The following SLC9A9 variants were observed in gnomAD, a reference collection of about 807,000 sequenced individuals.
SLC9A9 encodes the protein sodium/hydrogen exchanger 9.
Under a neutral mutation model 77.8 loss-of-function variants are expected in SLC9A9, and 62 were observed. That is an observed-to-expected ratio of 0.80 (90% confidence interval 0.65 to 0.98). The LOEUF (loss-of-function observed/expected upper bound fraction) is 0.98. Among genes scored for constraint, SLC9A9 ranks in the 50% least tolerant of loss-of-function variants. SLC9A9 has a pLI of 0.00. For missense variants in SLC9A9, 775 were observed against 774.9 expected (o/e 1.00, Z 0.00); for synonymous variants, 320 against 283.5 (o/e 1.13, Z -1.29).
chr3:143,267,044 C>A, intron 15 of SLC9A9, 115 bp from the exon 16 acceptor site: 2 of 937,386 alleles, frequency 2.1e-6, no homozygotes, highest in South Asian at 2.9e-5. Context: ...CTGTAACTGC[C>A]CTGTCTGGCC....
chr3:143,832,179 G>C lies in SLC9A9; in HGVS notation c.218C>G (p.Thr73Ser), dbSNP rs760873482. ...ATAGACAGTTCCACTTTCAATATCA[G>C]TTGGTGCTGTAGCATATCGTAAAAT... ...GLILRYATAP[T>S]DIESGTVYDC... Residue 73 changes from threonine (T) to serine (S), a missense_variant, in exon 2 of 16, where the codon ACT becomes AGT. Thr to Ser is a moderately conservative substitution (Grantham distance 58). Transcript: ENST00000316549. 2 of 1,612,822 alleles carry C rather than the reference G, an allele frequency of 1.2e-6. No individual in the cohort carries two copies. Among genetic ancestry groups the C allele is most frequent in the Admixed American group, 1.7e-5 (1 of 59,928 alleles).
Position 143,569,613 on chromosome 3 carries a change from A to C in SLC9A9, c.1000+4475T>G, listed in dbSNP as rs373597024. Reference sequence around the variant, plus strand: ...TTTTTTATTATTTTTTAGGCTGCTAAGTTTGTGGACATATCATTCACTTGG... The same window carrying C: ...TTTTTTATTATTTTTTAGGCTGCTACGTTTGTGGACATATCATTCACTTGG... On this transcript the variant is annotated intron_variant, in intron 8 of 15. Coordinates refer to ENST00000316549, the MANE Select transcript of SLC9A9 (RefSeq NM_173653.4). Among the ~76,000 whole-genome samples the C allele has an allele frequency of 2.6e-4, 40 of 152,092 alleles. 1 individual carries two copies. The East Asian group carries it at 6.4e-3, about 24-fold the overall frequency.
At chr3:143,384,798 C>T (rs2033385197) in intron 12 of SLC9A9, among the ~76,000 whole-genome samples, 1 of 147,174 alleles carries the variant, frequency 6.8e-6, no homozygotes, top group African/African-American at 2.5e-5. Context: ...AAAGGTGTTT[C>T]CCTCCTGGGG....
chr3:143,751,302 G>A (rs1410485903), intron 4 of SLC9A9, among the ~76,000 whole-genome samples: 1 of 152,190 alleles, frequency 6.6e-6, no homozygotes, highest in Non-Finnish European at 1.5e-5. Flanking sequence ...CTAATTGTTG[G>A]TGGTGGATGA....
At chr3:143,376,595 TCTTC>T (rs1311460919) in intron 13 of SLC9A9, among the ~76,000 whole-genome samples, 12 of 152,342 alleles carry the variant, frequency 7.9e-5, no homozygotes, top group Admixed American at 2.6e-4. Flanking sequence ...TTCCACTTCT[TCTTC>T]CTTATTATCA....
intron 14 of SLC9A9, among the ~76,000 whole-genome samples, chr3:143,307,276 T>A (rs930392085): frequency 6.6e-6 from 1 of 152,238 alleles, no homozygotes; most frequent in African/African-American, 2.4e-5. Context: ...AATAGATGGT[T>A]GTTAAACACT....
At chr3:143,610,895 C>T (rs1176433546) in intron 6 of SLC9A9, among the ~76,000 whole-genome samples, 2 of 152,082 alleles carry the variant, frequency 1.3e-5, no homozygotes, top group African/African-American at 4.8e-5. Flanking sequence ...TGCTCCAGTC[C>T]CTCTTTCTTT....
chr3:143,311,441 A>G (rs775495955), intron 14 of SLC9A9, among the ~76,000 whole-genome samples: 7 of 152,224 alleles, frequency 4.6e-5, no homozygotes, highest in Non-Finnish European at 1.0e-4. Context: ...CCAATTCAAA[A>G]TTCTTTTTGC....
intron 12 of SLC9A9, among the ~76,000 whole-genome samples, chr3:143,394,364 C>G (rs1454057335): frequency 6.6e-6 from 1 of 151,954 alleles, no homozygotes; most frequent in Non-Finnish European, 1.5e-5. Context: ...TATGATTATC[C>G]CAATAGAAGC....
chr3:143,635,765 G>A (rs71307949), intron 6 of SLC9A9, among the ~76,000 whole-genome samples: 1 of 152,148 alleles, frequency 6.6e-6, no homozygotes, highest in Non-Finnish European at 1.5e-5. Context: ...CCTTTCAGTA[G>A]TATGATGTGC....
At chr3:143,627,934 G>A (rs1299007789) in intron 6 of SLC9A9, among the ~76,000 whole-genome samples, 1 of 152,260 alleles carries the variant, frequency 6.6e-6, no homozygotes, top group Non-Finnish European at 1.5e-5. Context: ...TTGGGTGGAG[G>A]TGAACATTTA....
chr3:143,655,681 T>TAC (rs4024568), intron 5 of SLC9A9: 34,467 of 615,748 alleles, frequency 0.056, 247 homozygotes, highest in African/African-American at 0.11. Flanking sequence ...CATGCACATG[T>TAC]ACACACACAC....
intron 6 of SLC9A9, among the ~76,000 whole-genome samples, chr3:143,580,649 C>T (rs115934433): frequency 1.7e-3 from 265 of 152,234 alleles, no homozygotes; most frequent in Admixed American, 3.6e-3. Context: ...AAAGAAAGTT[C>T]ACCTGTATGT....
At chr3:143,799,397 T>C (rs2008486659) in intron 2 of SLC9A9, among the ~76,000 whole-genome samples, 1 of 152,170 alleles carries the variant, frequency 6.6e-6, no homozygotes, top group Non-Finnish European at 1.5e-5. Flanking sequence ...TGTACAATAA[T>C]AGAGTAGAGG....
intron 4 of SLC9A9, among the ~76,000 whole-genome samples, chr3:143,714,592 C>G (rs1934283655): frequency 6.6e-6 from 1 of 152,184 alleles, no homozygotes. Flanking sequence ...TTTCCATGCT[C>G]AAAACCCTTT....
At chr3:143,574,043 C>T in intron 8 of SLC9A9, 45 bp downstream of exon 8, 2 of 1,536,568 alleles carry the variant, frequency 1.3e-6, no homozygotes, top group African/African-American at 1.4e-5. Flanking sequence ...CAGAGCCACA[C>T]ACATATTCAC....
Position 143,495,456 on chromosome 3 carries a change from A to G in SLC9A9, c.1090-8T>C. ...GTTCATAAATTCAAACAACTGAAAC[A>G]AAACATAAAACAAAAAACCATTAAT... On this transcript the variant is annotated splice_region_variant and splice_polypyrimidine_tract_variant and intron_variant, in intron 9 of 15. Transcript: ENST00000316549. The G allele has an allele frequency of 1.3e-6, 2 of 1,594,480 alleles. No homozygotes were observed. Among genetic ancestry groups the G allele is most frequent in the Non-Finnish European group, 1.7e-6 (2 of 1,162,222 alleles).
At chr3:143,488,223 T>G (rs2035683234) in intron 11 of SLC9A9, among the ~76,000 whole-genome samples, 1 of 151,902 alleles carries the variant, frequency 6.6e-6, no homozygotes, top group Admixed American at 6.6e-5. Flanking sequence ...AAATCTGAAT[T>G]AGACCTACAA....
intron 14 of SLC9A9, among the ~76,000 whole-genome samples, chr3:143,355,499 A>G (rs1214213365): frequency 6.6e-6 from 1 of 152,230 alleles, no homozygotes; most frequent in African/African-American, 2.4e-5. Context: ...TAACTTTCCT[A>G]AAATTACATA....
Sources: allele counts gnomAD v4.1 joint callset (sites outside exome capture counted in the v4.1 genomes callset), GRCh38; gene constraint gnomAD v4.1.1; transcripts MANE v1.5; gene names NCBI Gene and HGNC (gene_info 2026-07-23, HGNC 2026-07-21).